PKP4: variants seen among roughly 807,000 people sequenced by gnomAD.
PKP4 encodes plakophilin 4, also known as plakophilin-4.
In PKP4, 90 loss-of-function variants were observed where a neutral mutation model predicts 145.1. That is an observed-to-expected ratio of 0.62 (90% CI 0.52 to 0.74). The LOEUF is 0.74. PKP4 is among the 30% of genes least tolerant of loss of function. The pLI is 0.00. For synonymous variants in PKP4, 563 were observed against 577.2 expected, an observed-to-expected ratio of 0.98 and a Z score of 0.35; for missense variants, 1,340 against 1,482.7, an observed-to-expected ratio of 0.90 and a Z score of 1.58.
intron 8 of PKP4, among the ~76,000 whole-genome samples, chr2:158,632,997 G>A (rs1402797332): frequency 6.6e-6 from 1 of 152,222 alleles, no homozygotes. Flanking sequence ...TTTAAATACA[G>A]TGTAGAGTAT....
intron 15 of PKP4, among the ~76,000 whole-genome samples, chr2:158,665,642 A>G (rs1342482472): frequency 6.6e-6 from 1 of 152,228 alleles, no homozygotes; most frequent in African/African-American, 2.4e-5. Flanking sequence ...AACAAGATTA[A>G]AGAACCGTTT....
At chr2:158,540,615 A>C (rs2105658969) in intron 2 of PKP4, among the ~76,000 whole-genome samples, 2 of 152,286 alleles carry the variant, frequency 1.3e-5, no homozygotes, top group Admixed American at 1.3e-4. Flanking sequence ...AATATTCATT[A>C]ATTGATGCAT....
chr2:158,594,637 A>T (rs1459216980), intron 3 of PKP4, among the ~76,000 whole-genome samples: 1 of 152,176 alleles, frequency 6.6e-6, no homozygotes, highest in African/African-American at 2.4e-5. Flanking sequence ...CATGGTAAAG[A>T]GACACTTGGT....
intron 1 of PKP4, among the ~76,000 whole-genome samples, chr2:158,512,683 G>T (rs543353188): frequency 1.2e-4 from 18 of 152,088 alleles, no homozygotes; most frequent in Non-Finnish European, 1.2e-4. Context: ...TTAAATTTTT[G>T]AATTGGAATA....
chr2:158,558,227 A>G (rs1263956794), intron 2 of PKP4, among the ~76,000 whole-genome samples: 4 of 152,222 alleles, frequency 2.6e-5, no homozygotes, highest in Non-Finnish European at 5.9e-5. Context: ...AAGGCTTAGA[A>G]TAACAGGTAG....
rs112086999 is a variant in PKP4 at position 158,480,527 on chromosome 2, G to A, written c.-6+23309G>A. ...AGCTGGATTACAGGTGTGAGCCACC[G>A]CGCCTGGCCTCTGGGATTCTTTTTT... On this transcript the variant is annotated intron_variant, in intron 1 of 21. Coordinates refer to ENST00000389759, the MANE Select transcript of PKP4 (RefSeq NM_003628.6). Among the ~76,000 whole-genome samples the A allele has an allele frequency of 1.5e-3, 224 of 149,952 alleles. 1 individual carries two copies. Among genetic ancestry groups the A allele is most frequent in the African/African-American group, 5.2e-3 (213 of 40,974 alleles).
At chr2:158,673,436 AGCT>A (rs1275592848) in intron 17 of PKP4, among the ~76,000 whole-genome samples, 1 of 152,234 alleles carries the variant, frequency 6.6e-6, no homozygotes, top group African/African-American at 2.4e-5. Context: ...TCCCGGCCAC[AGCT>A]GCTCCACAGA....
intron 7 of PKP4, among the ~76,000 whole-genome samples, chr2:158,630,679 G>T (rs1415397361): frequency 1.3e-5 from 2 of 152,212 alleles, no homozygotes; most frequent in Admixed American, 1.3e-4. Flanking sequence ...GGTGGGCTTT[G>T]TGCCCAGAGA....
At chr2:158,504,975 T>C (rs1697104434) in intron 1 of PKP4, among the ~76,000 whole-genome samples, 1 of 152,224 alleles carries the variant, frequency 6.6e-6, no homozygotes, top group Non-Finnish European at 1.5e-5. Flanking sequence ...GTATCAGTCT[T>C]CACAAAGATG....
intron 1 of PKP4, among the ~76,000 whole-genome samples, chr2:158,468,645 T>C (rs951779234): frequency 3.9e-5 from 6 of 152,108 alleles, no homozygotes; most frequent in African/African-American, 1.4e-4. Flanking sequence ...GACAGTATTT[T>C]CCTATGTGAT....
At chr2:158,610,860 C>G (rs1268219445) in intron 4 of PKP4, among the ~76,000 whole-genome samples, 1 of 152,194 alleles carries the variant, frequency 6.6e-6, no homozygotes, top group African/African-American at 2.4e-5. Context: ...AGGAGCAGTC[C>G]GTCTTACAGG....
chr2:158,471,083 C>T (rs1691496616), intron 1 of PKP4, among the ~76,000 whole-genome samples: 1 of 152,174 alleles, frequency 6.6e-6, no homozygotes, highest in South Asian at 2.1e-4. Context: ...ACACTCTGCA[C>T]CCACCATGAG....
At chr2:158,563,976 G>A (rs1233113593) in intron 2 of PKP4, among the ~76,000 whole-genome samples, 3 of 152,000 alleles carry the variant, frequency 2.0e-5, no homozygotes, top group Non-Finnish European at 4.4e-5. Flanking sequence ...TTCCTCAGCA[G>A]GTTTGTCCTG....
At chr2:158,571,670 T>A (rs970698391) in intron 2 of PKP4, among the ~76,000 whole-genome samples, 1 of 151,748 alleles carries the variant, frequency 6.6e-6, no homozygotes, top group Non-Finnish European at 1.5e-5. Context: ...AAAGAGAGAG[T>A]TTGTAAACTG....
chr2:158,512,391 G>A (rs1055304831), intron 1 of PKP4, among the ~76,000 whole-genome samples: 3 of 152,210 alleles, frequency 2.0e-5, no homozygotes, highest in African/African-American at 7.2e-5. Flanking sequence ...GCTTGTGGTG[G>A]TGATACAGTG....
rs372835251 is a variant in PKP4, at chr2:158,661,317, G to A, written c.2094-16G>A. 1.8e-5 allele frequency: 28 copies of A among 1,591,982 alleles called. No homozygotes were observed. The African/African-American group carries it at 3.1e-4, about 18-fold the overall frequency. ...ATGGTTCATCTCAGCAGCTCCTCCTGTCTCCACCCCTTTAGGAACCTCAGC... is the reference window on the plus strand; with the variant it reads ...ATGGTTCATCTCAGCAGCTCCTCCTATCTCCACCCCTTTAGGAACCTCAGC... On this transcript the variant is annotated splice_polypyrimidine_tract_variant and intron_variant, in intron 12 of 21. Coordinates refer to ENST00000389759, the MANE Select transcript of PKP4 (RefSeq NM_003628.6).
At chr2:158,638,323 T>G (rs895298365) in intron 9 of PKP4, among the ~76,000 whole-genome samples, 5 of 152,216 alleles carry the variant, frequency 3.3e-5, no homozygotes, top group African/African-American at 1.2e-4. Context: ...TATTTAATCA[T>G]CACAACCAAC....
At chr2:158,482,516 C>T (rs1404987695) in intron 1 of PKP4, among the ~76,000 whole-genome samples, 1 of 152,156 alleles carries the variant, frequency 6.6e-6, no homozygotes, top group Non-Finnish European at 1.5e-5. Flanking sequence ...TTTTAACCCA[C>T]GTTATCTTAA....
chr2:158,499,414 TG>T (rs1696229222), intron 1 of PKP4, among the ~76,000 whole-genome samples: 1 of 152,190 alleles, frequency 6.6e-6, no homozygotes, highest in African/African-American at 2.4e-5. Context: ...TTTCCTCACT[TG>T]TTCTTAAGAG....
Sources: gnomAD v4.1 joint callset for allele counts (sites outside exome capture counted in the v4.1 genomes callset) on GRCh38, gnomAD v4.1.1 for gene constraint, MANE v1.5 for transcripts, NCBI Gene and HGNC (gene_info 2026-07-23, HGNC 2026-07-21) for gene names.